IL19: variants seen among roughly 807,000 people sequenced by gnomAD.
IL19 encodes the protein interleukin 19.
IL19 carries 15 observed loss-of-function variants against 19.5 expected under a neutral mutation model. The ratio of observed to expected loss-of-function variants is 0.77; its 90% CI spans 0.52 to 1.19. The LOEUF is 1.19. IL19 is among the 50% of genes most tolerant of loss of function. The pLI is 0.00. For synonymous variants in IL19, 78 were observed against 78.3 expected, an observed-to-expected ratio of 1.00 and a Z score of 0.02; for missense variants, 199 against 213.1, an observed-to-expected ratio of 0.93 and a Z score of 0.41.
intron 2 of IL19, among the ~76,000 whole-genome samples, chr1:206,832,514 T>C (rs887326710): frequency 6.6e-6 from 1 of 152,214 alleles, no homozygotes; most frequent in Non-Finnish European, 1.5e-5. Flanking sequence ...TACCCTCGTC[T>C]TATTTCCTTA....
At chr1:206,795,719 G>T (rs1675505705) in intron 1 of IL19, among the ~76,000 whole-genome samples, 1 of 152,104 alleles carries the variant, frequency 6.6e-6, no homozygotes, top group African/African-American at 2.4e-5. Flanking sequence ...TTACCTTCCT[G>T]CTCCTGGATC....
At chr1:206,779,207 A>G (rs774745409) in intron 1 of IL19, among the ~76,000 whole-genome samples, 2 of 152,240 alleles carry the variant, frequency 1.3e-5, no homozygotes, top group African/African-American at 2.4e-5. Context: ...CTTGAGCAGC[A>G]GAGCATATTC....
chr1:206,813,246 G>C (rs2102469070), intron 2 of IL19, among the ~76,000 whole-genome samples: 1 of 152,330 alleles, frequency 6.6e-6, no homozygotes, highest in South Asian at 2.1e-4. Flanking sequence ...AGGGGCACTA[G>C]CTGGAGACTT....
intron 1 of IL19, among the ~76,000 whole-genome samples, chr1:206,793,187 G>A (rs1675445828): frequency 6.6e-6 from 1 of 152,232 alleles, no homozygotes. Flanking sequence ...GCTAAATCCC[G>A]ACGGGGACTT....
intron 1 of IL19, among the ~76,000 whole-genome samples, chr1:206,784,168 A>G (rs1298543379): frequency 1.3e-5 from 2 of 151,822 alleles, no homozygotes; most frequent in East Asian, 3.9e-4. Context: ...ACCTTCTACT[A>G]TGAGATCCCA....
At chr1:206,801,794 C>T (rs542699338) in intron 2 of IL19, among the ~76,000 whole-genome samples, 2 of 152,336 alleles carry the variant, frequency 1.3e-5, no homozygotes, top group South Asian at 4.1e-4. Flanking sequence ...TTAATCATCT[C>T]TATATCCCTG....
intron 2 of IL19, among the ~76,000 whole-genome samples, chr1:206,804,677 A>C (rs756015159): frequency 1.3e-5 from 2 of 152,212 alleles, no homozygotes; most frequent in Non-Finnish European, 2.9e-5. Flanking sequence ...CAGGGATCAA[A>C]CAGAGATGCA....
chr1:206,839,928 A>T lies in IL19; in HGVS notation c.289A>T (p.Asn97Tyr). ...DRVFKDHQEP[N>Y]PKILRKISSI... Reference sequence around the variant, plus strand: ...GGTGTTCAAGGATCATCAGGAGCCAAACCCCAAAATCTTGAGAAAAATCAG... The same window carrying T: ...GGTGTTCAAGGATCATCAGGAGCCATACCCCAAAATCTTGAGAAAAATCAG... Residue 97 changes from asparagine to tyrosine, a missense_variant, in exon 5 of 7, where the codon AAC becomes TAC. Transcript: ENST00000659997. 2 of 1,614,170 alleles carry T rather than the reference A, an allele frequency of 1.2e-6. No individual in the cohort carries two copies. Among genetic ancestry groups the T allele is most frequent in the Non-Finnish European group, 1.7e-6 (2 of 1,180,020 alleles).
At chr1:206,827,466 G>A (rs564417822) in intron 2 of IL19, among the ~76,000 whole-genome samples, 3 of 152,166 alleles carry the variant, frequency 2.0e-5, no homozygotes, top group South Asian at 4.1e-4. Context: ...CGAGGAGGGC[G>A]GATCACGAGG....
In IL19 at chr1:206,796,200, T is replaced by C. The variant is rs146528401; in HGVS notation, c.-148-2661T>C. Among the ~76,000 whole-genome samples the C allele has an allele frequency of 3.5e-3, 537 of 152,210 alleles. 1 individual carries two copies. The highest frequency in any genetic ancestry group is 5.9e-3 in the Non-Finnish European group (402 of 68,004). Reference sequence around the variant, plus strand: ...CAGGCAGAAAAGGGGAATTCTCCTTTCCCCTACTTTTTTGTTCTACTGTTA... The same window carrying C: ...CAGGCAGAAAAGGGGAATTCTCCTTCCCCCTACTTTTTTGTTCTACTGTTA... On this transcript the variant is annotated intron_variant, in intron 1 of 6. Coordinates refer to ENST00000659997, the MANE Select transcript of IL19 (RefSeq NM_153758.5).
intron 2 of IL19, among the ~76,000 whole-genome samples, chr1:206,825,141 G>T (rs1032092806): frequency 2.6e-5 from 4 of 152,198 alleles, no homozygotes; most frequent in Non-Finnish European, 5.9e-5. Context: ...AGGAAAGTTT[G>T]CATATGTGTA....
intron 2 of IL19, among the ~76,000 whole-genome samples, chr1:206,810,805 G>A (rs1435229801): frequency 6.6e-6 from 1 of 152,168 alleles, no homozygotes. Context: ...TGGGTCAGGG[G>A]GACAGATCCT....
At chr1:206,780,507 T>C (rs1293161515) in intron 1 of IL19, among the ~76,000 whole-genome samples, 1 of 152,252 alleles carries the variant, frequency 6.6e-6, no homozygotes, top group African/African-American at 2.4e-5. Flanking sequence ...ATACCTATTA[T>C]AGCTTTTCCA....
At chr1:206,797,490 T>C (rs75942788) in intron 1 of IL19, among the ~76,000 whole-genome samples, 14,861 of 152,230 alleles carry the variant, frequency 0.098, 1,004 homozygotes, top group Middle Eastern at 0.17. Context: ...TAGCTTATCC[T>C]GAGCCCTTTA....
chr1:206,831,968 C>G (rs755393587), intron 2 of IL19, among the ~76,000 whole-genome samples: 6 of 152,242 alleles, frequency 3.9e-5, no homozygotes, highest in African/African-American at 1.4e-4. Context: ...TCAGCATGGA[C>G]AGTGTTGCAA....
At position 206,835,210 on chromosome 1, in the gene IL19, T is replaced by C. The variant is rs955853127; in HGVS notation, c.-2-1451T>C. On this transcript the variant is annotated intron_variant, in intron 2 of 6. Coordinates refer to ENST00000659997, the MANE Select transcript of IL19 (RefSeq NM_153758.5). Reference sequence around the variant, plus strand: ...AGAGTTACCTTGTCAGAAGAAAAACTGCACTCTCTTTCTTGGCTTTCTAGA... The same window carrying C: ...AGAGTTACCTTGTCAGAAGAAAAACCGCACTCTCTTTCTTGGCTTTCTAGA... Among the ~76,000 whole-genome samples, 31 of 152,266 alleles carry C rather than the reference T, an allele frequency of 2.0e-4. No homozygotes were observed. The East Asian group carries it at 5.0e-3, about 25-fold the overall frequency.
intron 2 of IL19, among the ~76,000 whole-genome samples, chr1:206,828,072 A>G (rs1385439820): frequency 6.0e-4 from 2 of 3,332 alleles, no homozygotes; most frequent in African/African-American, 1.3e-3. Context: ...TAGTCTATGA[A>G]TTTTGTTAGA....
intron 1 of IL19, among the ~76,000 whole-genome samples, chr1:206,777,191 A>G (rs1374567426): frequency 7.1e-6 from 1 of 141,410 alleles, no homozygotes; most frequent in Non-Finnish European, 1.5e-5. Context: ...AGATCGCGTC[A>G]CTGCACTCCA....
In IL19 at chr1:206,794,471, C is replaced by T. The variant is rs550871845; in HGVS notation, c.-148-4390C>T. On this transcript the variant is annotated intron_variant, in intron 1 of 6. Coordinates refer to ENST00000659997, the MANE Select transcript of IL19 (RefSeq NM_153758.5). ...CCCTCCTTTGTGAAGCCTCTTCCCA[C>T]TGTTCCAGCTCACGTCGACACCCCC... Among the ~76,000 whole-genome samples the T allele has an allele frequency of 5.6e-4, 85 of 152,302 alleles. 1 individual carries two copies. Among genetic ancestry groups the T allele is most frequent in the African/African-American group, 1.9e-3 (81 of 41,568 alleles).
Sources: allele counts gnomAD v4.1 joint callset (sites outside exome capture counted in the v4.1 genomes callset), GRCh38; gene constraint gnomAD v4.1.1; transcripts MANE v1.5; gene names NCBI Gene and HGNC (gene_info 2026-07-23, HGNC 2026-07-21).